The following CADPS variants were observed in gnomAD, a reference collection of about 807,000 sequenced individuals.
The protein encoded by CADPS is calcium dependent secretion activator, also known as calcium-dependent secretion activator 1.
CADPS carries 57 observed loss-of-function variants against 167.3 expected under a neutral mutation model. That is an observed-to-expected ratio of 0.34 (90% CI 0.28 to 0.42). CADPS has a LOEUF of 0.42. Among genes scored for constraint, CADPS ranks in the 20% least tolerant of loss-of-function variants. The pLI, the probability that CADPS is intolerant of heterozygous loss-of-function variation, is 1.00. For missense variants in CADPS, 1,414 were observed against 1,738.1 expected (o/e 0.81, Z 3.32); for synonymous variants, 676 against 635.3 (o/e 1.06, Z -0.96).
chr3:62,677,277 C>CCAAAAACAAAAAACCAAAA (rs2076475517), intron 3 of CADPS, among the ~76,000 whole-genome samples: 2 of 151,912 alleles, frequency 1.3e-5, no homozygotes, highest in African/African-American at 4.8e-5. Context: ...ACCACTAGCA[C>CCAAAAACAAAAAACCAAAA]CAAAAACAAA....
In CADPS at chr3:62,609,523, T is replaced by A. The variant is rs535376281; in HGVS notation, c.1326-16775A>T. Among the ~76,000 whole-genome samples the A allele has an allele frequency of 2.0e-4, 30 of 152,296 alleles. 1 individual carries two copies. Among genetic ancestry groups the A allele is most frequent in the South Asian group, 8.3e-4 (4 of 4,830 alleles). ...ATGCTGTGGTTATAAATGTGGACTTTGTAGTTAGATGGCCTCATTTGAGTC... is the reference window on the plus strand; with the variant it reads ...ATGCTGTGGTTATAAATGTGGACTTAGTAGTTAGATGGCCTCATTTGAGTC... On this transcript the variant is annotated intron_variant, in intron 6 of 29. Transcript: ENST00000383710.
intron 2 of CADPS, among the ~76,000 whole-genome samples, chr3:62,756,310 A>G (rs997822835): frequency 6.6e-6 from 1 of 151,946 alleles, no homozygotes; most frequent in African/African-American, 2.4e-5. Flanking sequence ...CAAGTGATAC[A>G]CCCGCCTGGG....
At chr3:62,538,407 C>T (rs753718896) in intron 11 of CADPS, among the ~76,000 whole-genome samples, 3 of 152,098 alleles carry the variant, frequency 2.0e-5, no homozygotes, top group Non-Finnish European at 2.9e-5. Flanking sequence ...ATTTCTCTAT[C>T]GCCTTTGATA....
chr3:62,695,591 A>C (rs1183971619), intron 3 of CADPS, among the ~76,000 whole-genome samples: 2 of 152,146 alleles, frequency 1.3e-5, no homozygotes, highest in African/African-American at 4.8e-5. Context: ...TTTGCTAGCC[A>C]AGCCTCCTCC....
chr3:62,577,463 C>T (rs987535824), intron 8 of CADPS, among the ~76,000 whole-genome samples: 2 of 152,076 alleles, frequency 1.3e-5, no homozygotes, highest in Non-Finnish European at 2.9e-5. Flanking sequence ...ATGCTTTTGT[C>T]CTCTTCTTGG....
At chr3:62,860,799 A>G (rs983274695) in intron 1 of CADPS, among the ~76,000 whole-genome samples, 2 of 152,188 alleles carry the variant, frequency 1.3e-5, no homozygotes, top group Non-Finnish European at 2.9e-5. Context: ...TAACCACTAC[A>G]TGTGGTCCAT....
At chr3:62,428,214 T>G (rs1215922332) in intron 28 of CADPS, among the ~76,000 whole-genome samples, 1 of 149,566 alleles carries the variant, frequency 6.7e-6, no homozygotes, top group Non-Finnish European at 1.5e-5. Flanking sequence ...GAATTTGGAA[T>G]GAATGAAGTA....
At chr3:62,838,039 T>G (rs1180516145) in intron 1 of CADPS, among the ~76,000 whole-genome samples, 1 of 152,220 alleles carries the variant, frequency 6.6e-6, no homozygotes, top group Non-Finnish European at 1.5e-5. Flanking sequence ...AATGTCATTC[T>G]CTGATACAGG....
At chr3:62,445,914 G>A (rs1405557043) in intron 26 of CADPS, 117 bp from the exon 27 acceptor site, 9 of 605,860 alleles carry the variant, frequency 1.5e-5, no homozygotes, top group Non-Finnish European at 2.1e-5. Flanking sequence ...AGCTGACCAG[G>A]AAAAACAGAA....
intron 9 of CADPS, among the ~76,000 whole-genome samples, chr3:62,561,440 T>G (rs1039966865): frequency 1.3e-5 from 2 of 151,708 alleles, no homozygotes; most frequent in Non-Finnish European, 2.9e-5. Context: ...TTTTAATTTT[T>G]TGGTAGAGAT....
chr3:62,583,188 T>TC (rs1553945715), intron 8 of CADPS, among the ~76,000 whole-genome samples: 5 of 150,532 alleles, frequency 3.3e-5, no homozygotes, highest in Non-Finnish European at 7.4e-5. Context: ...TCTCTCTCTC[T>TC]TTCTACGTCT....
rs71123271 is a variant in CADPS, at chr3:62,509,304, AAAAGAAAG to A, written c.2599+3439_2599+3446del. ...AAGACTCTGTCTCAAAAAAAAAAAA[AAAAGAAAG>A]AAAGAAAGAAAGAAATAAAAGAGAA... On this transcript the variant is annotated intron_variant, in intron 17 of 29. Coordinates refer to ENST00000383710, the MANE Select transcript of CADPS (RefSeq NM_003716.4). Among the ~76,000 whole-genome samples, 532 of 138,918 alleles carry A rather than the reference AAAAGAAAG, an allele frequency of 3.8e-3. 91 individuals carry two copies. The highest frequency in any genetic ancestry group is 0.022 in the Middle Eastern group (6 of 272). The allele number at this position is 138,918 out of a possible 152,430, so 91.1% of individuals were successfully genotyped here.
chr3:62,492,880 C>G (rs1047500286), intron 19 of CADPS, among the ~76,000 whole-genome samples: 1 of 152,098 alleles, frequency 6.6e-6, no homozygotes, highest in Admixed American at 6.6e-5. Context: ...TCACTTATAT[C>G]TACATATCTG....
chr3:62,707,707 T>G (rs1473602041), intron 3 of CADPS, among the ~76,000 whole-genome samples: 1 of 152,112 alleles, frequency 6.6e-6, no homozygotes. Flanking sequence ...AACATCAACA[T>G]AAGAAAACAC....
At position 62,455,488 on chromosome 3, in the gene CADPS, T is replaced by G. The variant is rs1313133098; in HGVS notation, c.3637-9691A>C. Among the ~76,000 whole-genome samples, 1 of 152,202 alleles carries G rather than the reference T, an allele frequency of 6.6e-6. No individual in the cohort carries two copies. Among genetic ancestry groups the G allele is most frequent in the Non-Finnish European group, 1.5e-5 (1 of 68,038 alleles). On this transcript the variant is annotated intron_variant, in intron 26 of 29. Transcript: ENST00000383710. This position sits in a 1 kb window ranked among gnomAD's most constrained non-coding sequence, Gnocchi z 4.4. ...AGCTGGTATTTGAAGCATGGTTTCC[T>G]TGGACTCCAGGGTTTGCCCTCCTAA...
chr3:62,582,369 C>A (rs1159096112), intron 8 of CADPS, among the ~76,000 whole-genome samples: 2 of 152,150 alleles, frequency 1.3e-5, no homozygotes, highest in Non-Finnish European at 2.9e-5. Flanking sequence ...TGGCTTGAGC[C>A]TGGGAGGCAG....
chr3:62,770,458 C>T (rs1193146729), intron 1 of CADPS, among the ~76,000 whole-genome samples: 2 of 152,150 alleles, frequency 1.3e-5, no homozygotes, highest in Non-Finnish European at 2.9e-5. Flanking sequence ...CAGAGTCTTG[C>T]TCTGTTGCCC....
chr3:62,824,621 A>G (rs2073690818), intron 1 of CADPS, among the ~76,000 whole-genome samples: 1 of 152,204 alleles, frequency 6.6e-6, no homozygotes. Flanking sequence ...CCACAGTGGT[A>G]AAGAAAATAT....
At position 62,420,754 on chromosome 3, in the gene CADPS, C is replaced by T. The variant is rs949955332; in HGVS notation, c.3777+17350G>A. 2.6e-5 allele frequency among the ~76,000 whole-genome samples: 4 copies of T among 152,074 alleles called. No individual in the cohort carries two copies. Among genetic ancestry groups the T allele is most frequent in the African/African-American group, 4.8e-5 (2 of 41,384 alleles). On this transcript the variant is annotated intron_variant, in intron 28 of 29. Coordinates refer to ENST00000383710, the MANE Select transcript of CADPS (RefSeq NM_003716.4). This position sits in a 1 kb window ranked among gnomAD's most constrained non-coding sequence, Gnocchi z 4.1. Reference sequence around the variant, plus strand: ...TACAGCTGGGTTCTGCCTCCAATGGCGCCCTTTCCTCTTGCTTTATTTTTA... The same window carrying T: ...TACAGCTGGGTTCTGCCTCCAATGGTGCCCTTTCCTCTTGCTTTATTTTTA...
Sources: allele counts gnomAD v4.1 joint callset (sites outside exome capture counted in the v4.1 genomes callset), GRCh38; gene constraint gnomAD v4.1.1; non-coding constraint Gnocchi (gnomAD v3.1); transcripts MANE v1.5; gene names NCBI Gene and HGNC (gene_info 2026-07-23, HGNC 2026-07-21).